The following SORBS2 variants were observed in gnomAD, a reference collection of about 807,000 sequenced individuals.
SORBS2 encodes sorbin and SH3 domain-containing protein 2.
A neutral mutation model predicts 97.7 loss-of-function variants in SORBS2; 46 were observed. The ratio of observed to expected loss-of-function variants is 0.47; its 90% CI spans 0.37 to 0.60. The LOEUF (loss-of-function observed/expected upper bound fraction) is 0.60, where lower values mean the gene tolerates loss of function less well. SORBS2 is among the 20% of genes least tolerant of loss of function. SORBS2 has a pLI of 0.00. For missense variants in SORBS2, 1,316 were observed against 1,282.3 expected (o/e 1.03, Z -0.40); for synonymous variants, 476 against 473.4 (o/e 1.01, Z -0.07).
intron 2 of SORBS2, among the ~76,000 whole-genome samples, chr4:185,691,807 C>G (rs374168337): frequency 9.2e-5 from 14 of 152,016 alleles, no homozygotes; most frequent in African/African-American, 1.4e-4. Context: ...TGCAGTGGTG[C>G]GATCTCGGCT....
At chr4:185,791,780 G>A (rs1363605570) in intron 1 of SORBS2, among the ~76,000 whole-genome samples, 1 of 151,912 alleles carries the variant, frequency 6.6e-6, no homozygotes, top group East Asian at 1.9e-4. Context: ...TTAGATCAGA[G>A]TGCTAATAGT....
intron 1 of SORBS2, among the ~76,000 whole-genome samples, chr4:185,947,610 G>C (rs1273022994): frequency 9.9e-6 from 1 of 100,864 alleles, no homozygotes; most frequent in African/African-American, 3.5e-5. Flanking sequence ...CTTTTTTCTT[G>C]GGTTTTTTTT....
intron 1 of SORBS2, among the ~76,000 whole-genome samples, chr4:185,903,491 C>T (rs1052259717): frequency 6.6e-6 from 1 of 152,122 alleles, no homozygotes; most frequent in Non-Finnish European, 1.5e-5. Context: ...TGGGGAAGGC[C>T]AAGTTTCTGG....
intron 2 of SORBS2, among the ~76,000 whole-genome samples, chr4:185,750,562 G>C (rs960425341): frequency 2.6e-5 from 4 of 152,226 alleles, no homozygotes; most frequent in Non-Finnish European, 4.4e-5. Context: ...CTGCTGTGCA[G>C]TCCCCAACAT....
At chr4:185,683,014 C>CAAAAAA (rs35410308) in intron 2 of SORBS2, among the ~76,000 whole-genome samples, 5 of 109,412 alleles carry the variant, frequency 4.6e-5, no homozygotes, top group South Asian at 3.0e-4. Flanking sequence ...CCACCCGTCT[C>CAAAAAA]AAAAAAAAAA....
Position 185,757,515 on chromosome 4 carries a change from A to C in SORBS2, c.-198+17712T>G, listed in dbSNP as rs565171919. 2.9e-4 allele frequency among the ~76,000 whole-genome samples: 44 copies of C among 152,352 alleles called. 1 individual carries two copies. The South Asian group carries it at 7.2e-3, about 25-fold the overall frequency. On this transcript the variant is annotated intron_variant, in intron 2 of 20. Transcript: ENST00000284776. Reference sequence around the variant, plus strand: ...TGATATTCAAGAAACGTTAGAAATGAATGCCTGTATAACATAATTTCAAGA... The same window carrying C: ...TGATATTCAAGAAACGTTAGAAATGCATGCCTGTATAACATAATTTCAAGA...
At chr4:185,942,640 C>T (rs9995356) in intron 1 of SORBS2, among the ~76,000 whole-genome samples, 20,933 of 152,092 alleles carry the variant, frequency 0.14, 1,643 homozygotes, top group Middle Eastern at 0.24. Flanking sequence ...TGAGCCACCG[C>T]GCATGGCCCC....
At position 185,814,388 on chromosome 4, in the gene SORBS2, A is replaced by T. The variant is rs1341277031; in HGVS notation, c.-337-39022T>A. On this transcript the variant is annotated intron_variant, in intron 1 of 20. Transcript: ENST00000284776. ...AAAAAAAAAAAAATCAAACAAACAAACAATTAGCCAGGCATGGTGGTGCAC... is the reference window on the plus strand; with the variant it reads ...AAAAAAAAAAAAATCAAACAAACAATCAATTAGCCAGGCATGGTGGTGCAC... Among the ~76,000 whole-genome samples the T allele has an allele frequency of 2.6e-5, 4 of 151,734 alleles. No individual in the cohort carries two copies. The South Asian group carries it at 6.2e-4, about 24-fold the overall frequency.
chr4:185,750,431 A>G (rs944686597), intron 2 of SORBS2, among the ~76,000 whole-genome samples: 4 of 152,172 alleles, frequency 2.6e-5, no homozygotes, highest in Non-Finnish European at 5.9e-5. Context: ...AGGTGTGAAA[A>G]GACTCACATA....
chr4:185,687,445 G>C (rs2097989143), intron 2 of SORBS2, among the ~76,000 whole-genome samples: 1 of 152,188 alleles, frequency 6.6e-6, no homozygotes, highest in Admixed American at 6.5e-5. Flanking sequence ...AGTAATTCTT[G>C]TTATAAAGAA....
chr4:185,642,717 G>A (rs1464366140), intron 4 of SORBS2, among the ~76,000 whole-genome samples: 1 of 152,208 alleles, frequency 6.6e-6, no homozygotes, highest in Non-Finnish European at 1.5e-5. Context: ...AAACGCATAT[G>A]CCACTGATTC....
chr4:185,955,642 C>T (rs894642538), intron 1 of SORBS2, among the ~76,000 whole-genome samples: 2 of 152,144 alleles, frequency 1.3e-5, no homozygotes, highest in African/African-American at 4.8e-5. Flanking sequence ...GACGAGCACA[C>T]CAGCTGTCAG....
chr4:185,820,408 C>T (rs1023886593), intron 1 of SORBS2, among the ~76,000 whole-genome samples: 3 of 152,208 alleles, frequency 2.0e-5, no homozygotes, highest in Non-Finnish European at 2.9e-5. Context: ...CCTATTCTCT[C>T]GGCAGCCCTA....
chr4:185,875,422 C>G (rs1243888763), intron 1 of SORBS2, among the ~76,000 whole-genome samples: 1 of 152,034 alleles, frequency 6.6e-6, no homozygotes, highest in Non-Finnish European at 1.5e-5. Context: ...AAAATAAAAC[C>G]AAAAACGTCT....
At chr4:185,863,766 A>T (rs1365159715) in intron 1 of SORBS2, among the ~76,000 whole-genome samples, 1 of 152,152 alleles carries the variant, frequency 6.6e-6, no homozygotes, top group Non-Finnish European at 1.5e-5. Context: ...CAGCTTGTCC[A>T]TTTTTACATT....
chr4:185,661,809 T>G (rs2097526602), upstream of SORBS2, among the ~76,000 whole-genome samples: 1 of 152,210 alleles, frequency 6.6e-6, no homozygotes, highest in African/African-American at 2.4e-5. Context: ...TGCATTCATG[T>G]CCTCCAGTGG....
chr4:185,748,738 G>A (rs1257672562), intron 2 of SORBS2, among the ~76,000 whole-genome samples: 1 of 152,212 alleles, frequency 6.6e-6, no homozygotes, highest in Admixed American at 6.5e-5. Context: ...CATCAGTTTG[G>A]ATAGTTCAAG....
At chr4:185,890,860 C>G (rs558547734) in intron 1 of SORBS2, among the ~76,000 whole-genome samples, 8 of 152,070 alleles carry the variant, frequency 5.3e-5, no homozygotes, top group Non-Finnish European at 1.2e-4. Context: ...AGAAAACAGG[C>G]TTTTTAAGGG....
upstream of SORBS2, among the ~76,000 whole-genome samples, chr4:185,660,046 A>G (rs2097490142): frequency 6.6e-6 from 1 of 152,208 alleles, no homozygotes; most frequent in South Asian, 2.1e-4. Flanking sequence ...GGCAAGGTAG[A>G]TGTACATATT....
Sources: allele counts gnomAD v4.1 joint callset (sites outside exome capture counted in the v4.1 genomes callset), GRCh38; gene constraint gnomAD v4.1.1; transcripts MANE v1.5; gene names NCBI Gene and HGNC (gene_info 2026-07-23, HGNC 2026-07-21).